DPP10: variants seen among roughly 807,000 people sequenced by gnomAD.
The protein encoded by DPP10 is inactive dipeptidyl peptidase 10.
DPP10 carries 33 observed loss-of-function variants against 120.9 expected under a neutral mutation model. The ratio of observed to expected loss-of-function variants is 0.27; its 90% CI spans 0.21 to 0.37. The LOEUF (loss-of-function observed/expected upper bound fraction) is 0.37. Ranked by LOEUF, DPP10 falls within the 10% of genes least tolerant of loss-of-function variation. DPP10 has a pLI of 1.00. For synonymous variants in DPP10, 337 were observed against 326.1 expected (o/e 1.03, Z -0.36); for missense variants, 816 against 942.8 (o/e 0.87, Z 1.76).
chr2:114,731,064 G>A (rs568698791), intron 1 of DPP10, among the ~76,000 whole-genome samples: 8 of 151,854 alleles, frequency 5.3e-5, no homozygotes, highest in African/African-American at 1.9e-4. Flanking sequence ...AATTATCTGG[G>A]GCATCTTAAT....
At chr2:114,675,650 G>T (rs934369136) in intron 1 of DPP10, among the ~76,000 whole-genome samples, 1 of 152,084 alleles carries the variant, frequency 6.6e-6, no homozygotes, top group African/African-American at 2.4e-5. Context: ...TATTAGAATT[G>T]CCTTGGAAGC....
intron 1 of DPP10, among the ~76,000 whole-genome samples, chr2:114,452,369 A>T (rs937176241): frequency 3.3e-5 from 5 of 152,100 alleles, no homozygotes; most frequent in East Asian, 1.9e-4. Flanking sequence ...GTCGGGGGTG[A>T]TCTCTCTTGA....
chr2:114,690,825 A>G (rs1699690878), intron 1 of DPP10, among the ~76,000 whole-genome samples: 1 of 151,010 alleles, frequency 6.6e-6, no homozygotes, highest in Non-Finnish European at 1.5e-5. Context: ...TTCTTTTTGT[A>G]GCAGTTTTGA....
chr2:114,763,995 A>G (rs894514219), intron 1 of DPP10, among the ~76,000 whole-genome samples: 1 of 152,316 alleles, frequency 6.6e-6, no homozygotes, highest in African/African-American at 2.4e-5. Flanking sequence ...CTTTTGCAGA[A>G]AGAAATTTTT....
intron 1 of DPP10, among the ~76,000 whole-genome samples, chr2:114,801,287 A>G (rs1574221995): frequency 3.6e-5 from 2 of 56,266 alleles, no homozygotes; most frequent in Non-Finnish European, 8.6e-5. Flanking sequence ...AAAGAAAAAA[A>G]GAAAGAAAGA....
chr2:115,350,396 T>C (rs1383122209), intron 3 of DPP10, among the ~76,000 whole-genome samples: 1 of 152,106 alleles, frequency 6.6e-6, no homozygotes, highest in Non-Finnish European at 1.5e-5. Context: ...TCTGTCTATA[T>C]TTTCCAAATT....
At chr2:115,183,689 A>G (rs143581252) in intron 1 of DPP10, among the ~76,000 whole-genome samples, 209 of 152,350 alleles carry the variant, frequency 1.4e-3, no homozygotes, top group African/African-American at 4.4e-3. Context: ...CTAGGCTAGC[A>G]AAGCTGATAA....
At chr2:115,449,025 A>G (rs1338094032) in intron 3 of DPP10, among the ~76,000 whole-genome samples, 2 of 152,164 alleles carry the variant, frequency 1.3e-5, no homozygotes, top group Non-Finnish European at 2.9e-5. Flanking sequence ...AAATGAATAA[A>G]AAAACTTCAT....
chr2:114,977,063 T>C (rs1448825849), intron 1 of DPP10, among the ~76,000 whole-genome samples: 1 of 152,332 alleles, frequency 6.6e-6, no homozygotes, highest in East Asian at 1.9e-4. Context: ...TCATTTATTA[T>C]ATTAATATCT....
intron 3 of DPP10, among the ~76,000 whole-genome samples, chr2:115,466,503 T>G (rs2074335614): frequency 6.6e-6 from 1 of 152,192 alleles, no homozygotes; most frequent in Non-Finnish European, 1.5e-5. Context: ...TTGGTGATTA[T>G]TGCCAAAACT....
intron 1 of DPP10, among the ~76,000 whole-genome samples, chr2:114,787,763 C>G (rs1041372383): frequency 6.6e-6 from 1 of 152,144 alleles, no homozygotes; most frequent in African/African-American, 2.4e-5. Context: ...GGGGGCTACC[C>G]GCTTTGCTGT....
chr2:115,485,898 A>T (rs1309681166), intron 3 of DPP10, among the ~76,000 whole-genome samples: 1 of 152,062 alleles, frequency 6.6e-6, no homozygotes. Context: ...TATAATGTCA[A>T]CTGAGAGTGT....
intron 10 of DPP10, among the ~76,000 whole-genome samples, chr2:115,752,058 A>C (rs906772949): frequency 2.0e-5 from 3 of 152,202 alleles, no homozygotes; most frequent in African/African-American, 7.2e-5. Context: ...TTGGCCTCCC[A>C]AAGTGCTGGG....
intron 1 of DPP10, among the ~76,000 whole-genome samples, chr2:115,076,354 T>G (rs1295257315): frequency 7.4e-6 from 1 of 135,704 alleles, no homozygotes; most frequent in Non-Finnish European, 1.6e-5. Flanking sequence ...TACATACAAT[T>G]AGGAATTCAG....
intron 7 of DPP10, among the ~76,000 whole-genome samples, chr2:115,693,618 G>T (rs756553177): frequency 6.6e-6 from 1 of 151,958 alleles, no homozygotes; most frequent in Non-Finnish European, 1.5e-5. Flanking sequence ...ATACACTCAG[G>T]GAAATAGTAT....
chr2:115,657,607 G>A (rs942809513), intron 5 of DPP10, among the ~76,000 whole-genome samples: 2 of 150,960 alleles, frequency 1.3e-5, no homozygotes, highest in Admixed American at 6.6e-5. Flanking sequence ...ATTCCAAAAG[G>A]GCTTCTTCAT....
chr2:115,099,185 G>T (rs1453628185), intron 1 of DPP10, among the ~76,000 whole-genome samples: 1 of 151,970 alleles, frequency 6.6e-6, no homozygotes, highest in Non-Finnish European at 1.5e-5. Flanking sequence ...GTGGTGGTGG[G>T]TGCCTGTAAT....
chr2:115,523,040 C>T (rs181986544), intron 4 of DPP10, among the ~76,000 whole-genome samples: 5 of 152,158 alleles, frequency 3.3e-5, no homozygotes, highest in East Asian at 1.9e-4. Context: ...ACTAAGCTGC[C>T]GAGATACGTT....
intron 1 of DPP10, among the ~76,000 whole-genome samples, chr2:114,985,219 CT>C (rs965287056): frequency 1.6e-4 from 24 of 151,574 alleles, no homozygotes; most frequent in Non-Finnish European, 3.1e-4. Context: ...TGACTTTGTA[CT>C]TTTTTTTTCC....
Sources: gnomAD v4.1 joint callset for allele counts (sites outside exome capture counted in the v4.1 genomes callset) on GRCh38, gnomAD v4.1.1 for gene constraint, MANE v1.5 for transcripts, NCBI Gene and HGNC (gene_info 2026-07-23, HGNC 2026-07-21) for gene names.